The following CCDC148 variants were observed in gnomAD, a reference collection of about 807,000 sequenced individuals.
CCDC148 encodes the protein coiled-coil domain containing 148.
In CCDC148, 89 loss-of-function variants were observed where a neutral mutation model predicts 85.7. The observed-to-expected ratio is 1.04, with a 90% CI of 0.87 to 1.24. CCDC148 has a LOEUF of 1.24. Ranked by LOEUF, CCDC148 falls within the 50% of genes most tolerant of loss-of-function variation. CCDC148 has a pLI of 0.00. For missense variants in CCDC148, 692 were observed against 671.7 expected (o/e 1.03, Z -0.33); for synonymous variants, 230 against 213.9 (o/e 1.08, Z -0.66).
intron 9 of CCDC148, among the ~76,000 whole-genome samples, chr2:158,281,218 C>G (rs1690275128): frequency 6.6e-6 from 1 of 151,900 alleles, no homozygotes; most frequent in South Asian, 2.1e-4. Context: ...ATTAAAAGAA[C>G]TAGAAAAGCA....
intron 9 of CCDC148, among the ~76,000 whole-genome samples, chr2:158,256,406 A>G (rs1446105043): frequency 6.6e-6 from 1 of 151,766 alleles, no homozygotes; most frequent in African/African-American, 2.4e-5. Flanking sequence ...ATCATAATAT[A>G]TGATATGCTC....
intron 2 of CCDC148, among the ~76,000 whole-genome samples, chr2:158,351,723 C>T (rs1015091427): frequency 6.6e-6 from 1 of 152,122 alleles, no homozygotes; most frequent in African/African-American, 2.4e-5. Flanking sequence ...CGGAGCCCAC[C>T]ACAGCTCAAG....
At chr2:158,346,487 C>T (rs4602177) in intron 2 of CCDC148, among the ~76,000 whole-genome samples, 8,883 of 152,122 alleles carry the variant, frequency 0.058, 359 homozygotes, top group Non-Finnish European at 0.081. Context: ...TGTCAATCTC[C>T]GTATTGCCTC....
intron 7 of CCDC148, among the ~76,000 whole-genome samples, chr2:158,335,852 C>T (rs757935365): frequency 9.2e-5 from 14 of 152,092 alleles, no homozygotes; most frequent in South Asian, 6.2e-4. Flanking sequence ...TGAGGTTGCA[C>T]TGACTGGTAC....
intron 1 of CCDC148, among the ~76,000 whole-genome samples, chr2:158,425,511 T>G (rs2105327654): frequency 6.6e-6 from 1 of 152,284 alleles, no homozygotes; most frequent in East Asian, 1.9e-4. Context: ...TATGACTCAA[T>G]GTGGATTTGT....
intron 10 of CCDC148, among the ~76,000 whole-genome samples, chr2:158,248,822 A>G (rs1443646104): frequency 4.6e-5 from 7 of 152,238 alleles, no homozygotes; most frequent in Admixed American, 4.6e-4. Flanking sequence ...TCATCTTTTC[A>G]GGCCTAAGTG....
rs1326402003 is a variant in CCDC148 at position 158,454,543 on chromosome 2, C to T, written c.25+1872G>A. Among the ~76,000 whole-genome samples the T allele has an allele frequency of 3.9e-5, 6 of 152,224 alleles. No homozygotes were observed. In the South Asian group the frequency reaches 8.3e-4, roughly 21 times the overall value. On this transcript the variant is annotated intron_variant, in intron 1 of 13. Transcript: ENST00000283233. Reference sequence around the variant, plus strand: ...AAGTTGAGGAACCTCATGGTGGATCCTTCAGTAGAGTACGAGGCAAGATCA... The same window carrying T: ...AAGTTGAGGAACCTCATGGTGGATCTTTCAGTAGAGTACGAGGCAAGATCA...
rs116207590 is a variant in CCDC148, at chr2:158,288,062, C to T, written c.1110+21371G>A. 8.4e-3 allele frequency among the ~76,000 whole-genome samples: 1,280 copies of T among 152,308 alleles called. 12 individuals are homozygous for T. Among genetic ancestry groups the T allele is most frequent in the African/African-American group, 0.029 (1,213 of 41,558 alleles). ...GGCTTGGGGCTTGCACCCTCTGTAG[C>T]CACAGCCTGACCTGTACTTTGGCCC... On this transcript the variant is annotated intron_variant, in intron 9 of 13. Transcript: ENST00000283233.
chr2:158,396,556 T>A (rs919892168), intron 1 of CCDC148, among the ~76,000 whole-genome samples: 1 of 152,096 alleles, frequency 6.6e-6, no homozygotes, highest in African/African-American at 2.4e-5. Context: ...TGGAACAGTG[T>A]ACTCAGGTTC....
At chr2:158,449,331 C>T (rs1324971076) in intron 1 of CCDC148, among the ~76,000 whole-genome samples, 1 of 152,038 alleles carries the variant, frequency 6.6e-6, no homozygotes, top group African/African-American at 2.4e-5. Flanking sequence ...CTTTTTCTTT[C>T]CTTGTTACAC....
intron 1 of CCDC148, among the ~76,000 whole-genome samples, chr2:158,456,206 C>T (rs1449861968): frequency 6.6e-6 from 1 of 152,202 alleles, no homozygotes; most frequent in South Asian, 2.1e-4. Context: ...ATCATACAAT[C>T]CGCCACCTCG....
intron 1 of CCDC148, among the ~76,000 whole-genome samples, chr2:158,431,326 A>C (rs1349475756): frequency 7.9e-5 from 12 of 151,996 alleles, no homozygotes; most frequent in Admixed American, 7.9e-4. Flanking sequence ...AAAAAATCTT[A>C]AAAACTTCTA....
intron 2 of CCDC148, among the ~76,000 whole-genome samples, chr2:158,354,325 C>T (rs1043328958): frequency 1.7e-4 from 26 of 151,764 alleles, no homozygotes; most frequent in East Asian, 9.7e-4. Flanking sequence ...ATTGATAGAC[C>T]GCTAGCAAGA....
At chr2:158,443,515 A>AAAAAAAAAAAAGAAAAG (rs1553524474) in intron 1 of CCDC148, among the ~76,000 whole-genome samples, 21 of 100,892 alleles carry the variant, frequency 2.1e-4, no homozygotes, top group South Asian at 3.4e-4. Context: ...AAAAAAAAAA[A>AAAAAAAAAAAAGAAAAG]AAAAAAAAGA....
intron 1 of CCDC148, among the ~76,000 whole-genome samples, chr2:158,427,424 T>C (rs528653361): frequency 1.3e-5 from 2 of 152,246 alleles, no homozygotes; most frequent in African/African-American, 2.4e-5. Context: ...AAACAAAGTA[T>C]GTATTTAAAG....
chr2:158,333,973 C>T (rs909142152), intron 7 of CCDC148, among the ~76,000 whole-genome samples: 14 of 152,082 alleles, frequency 9.2e-5, no homozygotes, highest in African/African-American at 3.1e-4. Flanking sequence ...AAATAATTTG[C>T]TGGGATTTTG....
At chr2:158,313,057 A>G (rs112589302) in intron 8 of CCDC148, among the ~76,000 whole-genome samples, 1 of 152,240 alleles carries the variant, frequency 6.6e-6, no homozygotes, top group Non-Finnish European at 1.5e-5. Flanking sequence ...TCACTTAAAA[A>G]TTAAAAGTCT....
intron 1 of CCDC148, among the ~76,000 whole-genome samples, chr2:158,408,493 T>C (rs762068521): frequency 1.3e-5 from 2 of 152,178 alleles, no homozygotes; most frequent in Non-Finnish European, 2.9e-5. Flanking sequence ...TTTGTCTTTC[T>C]GTACCTGGCT....
At chr2:158,410,973 C>T (rs921720316) in intron 1 of CCDC148, among the ~76,000 whole-genome samples, 1 of 151,686 alleles carries the variant, frequency 6.6e-6, no homozygotes, top group Non-Finnish European at 1.5e-5. Flanking sequence ...TGCAAGGTAT[C>T]ATCTTGGTTT....
Sources: allele counts gnomAD v4.1 joint callset (sites outside exome capture counted in the v4.1 genomes callset), GRCh38; gene constraint gnomAD v4.1.1; transcripts MANE v1.5; gene names NCBI Gene and HGNC (gene_info 2026-07-23, HGNC 2026-07-21).